The following TRIM33 variants were observed in gnomAD, a reference collection of about 807,000 sequenced individuals.
TRIM33 encodes the protein tripartite motif containing 33, also known as E3 ubiquitin-protein ligase TRIM33.
Under a neutral mutation model 125.4 loss-of-function variants are expected in TRIM33, and 20 were observed. The ratio of observed to expected loss-of-function variants is 0.16; its 90% CI spans 0.11 to 0.23. TRIM33 has a LOEUF of 0.23. TRIM33 is among the 10% of genes least tolerant of loss of function. The pLI is 1.00. For synonymous variants in TRIM33, 564 were observed against 513.9 expected, an observed-to-expected ratio of 1.10 and a Z score of -1.32; for missense variants, 920 against 1,411.4, an observed-to-expected ratio of 0.65 and a Z score of 5.58.
At chr1:114,481,544 T>C (rs999171857) in intron 1 of TRIM33, among the ~76,000 whole-genome samples, 3 of 150,822 alleles carry the variant, frequency 2.0e-5, no homozygotes, top group African/African-American at 7.3e-5. Flanking sequence ...TGAGCTGAGA[T>C]TGCGCCACTG....
chr1:114,428,490 T>C (rs557204209), intron 6 of TRIM33, among the ~76,000 whole-genome samples: 3 of 152,186 alleles, frequency 2.0e-5, no homozygotes, highest in Non-Finnish European at 4.4e-5. Context: ...ATAAACTGCT[T>C]TATGGGAACT....
At chr1:114,500,012 CA>C (rs1652614978) in intron 1 of TRIM33, among the ~76,000 whole-genome samples, 1 of 152,020 alleles carries the variant, frequency 6.6e-6, no homozygotes, top group African/African-American at 2.4e-5. Flanking sequence ...ACTAAAAATT[CA>C]AAAATGAGCC....
chr1:114,416,681 T>TCA (rs1652961204), intron 11 of TRIM33, among the ~76,000 whole-genome samples: 1 of 152,216 alleles, frequency 6.6e-6, no homozygotes, highest in Non-Finnish European at 1.5e-5. Flanking sequence ...AAATTGAGAC[T>TCA]TCACCTCTAC....
At chr1:114,481,937 T>C (rs972685998) in intron 1 of TRIM33, among the ~76,000 whole-genome samples, 2 of 152,010 alleles carry the variant, frequency 1.3e-5, no homozygotes, top group Admixed American at 1.3e-4. Flanking sequence ...ATTTTTGTAT[T>C]TTTAGTAGAG....
At chr1:114,399,737 T>C in intron 17 of TRIM33, 128 bp from the exon 18 acceptor site, 6 of 724,902 alleles carry the variant, frequency 8.3e-6, no homozygotes, top group Non-Finnish European at 1.3e-5. Context: ...AAATTTTGAG[T>C]ATAGACGTAT....
rs561728996 is a variant in TRIM33 at position 114,457,505 on chromosome 1, C to T, written c.923+5599G>A. 2.0e-4 allele frequency among the ~76,000 whole-genome samples: 30 copies of T among 152,120 alleles called. 1 individual carries two copies. Among genetic ancestry groups the T allele is most frequent in the Non-Finnish European group, 3.1e-4 (21 of 68,020 alleles). On this transcript the variant is annotated intron_variant, in intron 4 of 19. Coordinates refer to ENST00000358465, the MANE Select transcript of TRIM33 (RefSeq NM_015906.4). ...ACAGCCATAATATCTTAGGTGATGT[C>T]GGAGAAACACTAATAAGGAAGGCAG... is the stretch of plus-strand genomic sequence containing the variant.
At chr1:114,463,357 C>G (rs545875275) in intron 3 of TRIM33, 55 bp downstream of exon 3, 2 of 1,564,584 alleles carry the variant, frequency 1.3e-6, no homozygotes, top group African/African-American at 2.7e-5. Flanking sequence ...TCTATAGGGG[C>G]AAAAGAAGGA....
At chr1:114,421,746 G>C (rs2101144908) in intron 10 of TRIM33, 110 bp from the exon 11 acceptor site, 1 of 1,049,202 alleles carries the variant, frequency 9.5e-7, no homozygotes, top group East Asian at 2.5e-5. Context: ...CAAAGAAGTG[G>C]GCCCTTTCAA....
At chr1:114,444,084 G>A (rs578047144) in intron 4 of TRIM33, among the ~76,000 whole-genome samples, 1 of 152,204 alleles carries the variant, frequency 6.6e-6, no homozygotes, top group South Asian at 2.1e-4. Flanking sequence ...TCTGTCTGTA[G>A]ACAATTTTAT....
In TRIM33 at chr1:114,409,893, G is replaced by T. The variant is rs376966747; in HGVS notation, c.2194+291C>A. On this transcript the variant is annotated intron_variant, in intron 12 of 19. Transcript: ENST00000358465. ...AATCAGGTAAAGCCCTTTTAAGAGA[G>T]AAGAGAAGACGGAGCCCTGTTCTCT... is the stretch of plus-strand genomic sequence containing the variant. Among the ~76,000 whole-genome samples, 29 of 152,242 alleles carry T rather than the reference G, an allele frequency of 1.9e-4. 1 individual carries two copies. Among genetic ancestry groups the T allele is most frequent in the Middle Eastern group, 3.4e-3 (1 of 294 alleles).
chr1:114,488,622 G>C (rs1651865627), intron 1 of TRIM33, among the ~76,000 whole-genome samples: 1 of 152,042 alleles, frequency 6.6e-6, no homozygotes, highest in South Asian at 2.1e-4. Context: ...AAATTAGCCA[G>C]GCGTGGTGGC....
intron 1 of TRIM33, among the ~76,000 whole-genome samples, chr1:114,478,259 G>C (rs1651094040): frequency 6.6e-6 from 1 of 152,218 alleles, no homozygotes; most frequent in African/African-American, 2.4e-5. Context: ...GAATGGGGCT[G>C]ACCATAAAAA....
At chr1:114,462,116 T>C (rs941592519) in intron 4 of TRIM33, among the ~76,000 whole-genome samples, 1 of 152,192 alleles carries the variant, frequency 6.6e-6, no homozygotes, top group Admixed American at 6.5e-5. Context: ...CAGCCTTTTG[T>C]GAGTAGGCTC....
chr1:114,491,647 G>A (rs6703485), intron 1 of TRIM33, among the ~76,000 whole-genome samples: 53,459 of 151,706 alleles, frequency 0.35, 10,091 homozygotes, highest in African/African-American at 0.46. Flanking sequence ...TACAAAAAAT[G>A]TAAAAAATTA....
At position 114,394,199 on chromosome 1, in the gene TRIM33, T is replaced by C; in HGVS notation, c.*3449A>G. 4.4e-6 allele frequency: 1 copy of C among 229,388 alleles called. No homozygotes were observed. The highest frequency in any genetic ancestry group is 8.7e-6 in the Non-Finnish European group (1 of 115,368). 14.2% of individuals were successfully genotyped at this position (229,388 alleles called of 1,614,324 possible). ...ATAAAACTACTCACTGATCCGATGC[T>C]GAGTATGCAAATAAGCAGTGCTGAT... On this transcript the variant is annotated 3_prime_UTR_variant, in exon 20 of 20. Transcript: ENST00000358465.
At chr1:114,442,119 T>C (rs1034821590) in intron 4 of TRIM33, among the ~76,000 whole-genome samples, 7 of 152,210 alleles carry the variant, frequency 4.6e-5, no homozygotes, top group Non-Finnish European at 8.8e-5. Context: ...TGTATAGCTA[T>C]CACCTAGCAA....
At chr1:114,441,785 C>T (rs1648671359) in intron 4 of TRIM33, among the ~76,000 whole-genome samples, 1 of 152,170 alleles carries the variant, frequency 6.6e-6, no homozygotes, top group South Asian at 2.1e-4. Flanking sequence ...GTTTCTTCCT[C>T]AAGTCTTCTC....
intron 9 of TRIM33, among the ~76,000 whole-genome samples, chr1:114,424,981 T>C (rs898939042): frequency 5.3e-5 from 8 of 152,128 alleles, no homozygotes; most frequent in African/African-American, 1.4e-4. Context: ...CTGTTCCCCC[T>C]CTTTTTCTCT....
At position 114,405,549 on chromosome 1, in the gene TRIM33, C is replaced by T. The variant is rs994650216; in HGVS notation, c.2629G>A (p.Asp877Asn). ...GGGTCATCATCTTTATTGTTGCCAT[C>T]TCCTCCAATCCTTGCCGACCTGTGC... Reference protein sequence around the residue: ...LMHRSARIGGDGNNKDDDPNE... With the variant: ...LMHRSARIGGNGNNKDDDPNE... The change falls in exon 15 of 20, where the codon GAT becomes AAT. Residue 877 changes from aspartate (D) to asparagine (N), a missense_variant. Asp to Asn is a conservative substitution (Grantham distance 23). Around this residue, in one of 8 missense-constraint regions of TRIM33, gnomAD observed 407 missense variants for 589.7 expected, o/e 0.69. Coordinates refer to ENST00000358465, the MANE Select transcript of TRIM33 (RefSeq NM_015906.4). 1.2e-6 allele frequency: 2 copies of T among 1,614,214 alleles called. No homozygotes were observed. The highest frequency in any genetic ancestry group is 1.7e-6 in the Non-Finnish European group (2 of 1,180,026).
Sources: gnomAD v4.1 joint callset for allele counts (sites outside exome capture counted in the v4.1 genomes callset) on GRCh38, gnomAD v4.1.1 for gene constraint, gnomAD v4.1.1 regional missense constraint, MANE v1.5 for transcripts, NCBI Gene and HGNC (gene_info 2026-07-23, HGNC 2026-07-21) for gene names.